ADCY9: variants seen among roughly 807,000 people sequenced by gnomAD.
The protein encoded by ADCY9 is adenylate cyclase 9.
ADCY9 carries 50 observed loss-of-function variants against 101.5 expected under a neutral mutation model. That is an observed-to-expected ratio of 0.49 (90% CI 0.39 to 0.62). The LOEUF (loss-of-function observed/expected upper bound fraction) is 0.62, where lower values mean the gene tolerates loss of function less well. ADCY9 is among the 20% of genes least tolerant of loss of function. The probability of loss-of-function intolerance (pLI) is 0.00; values close to 1 mark genes in which losing one functional copy is unlikely to be tolerated. For missense variants in ADCY9, 1,662 were observed against 1,800.4 expected (o/e 0.92, Z 1.39); for synonymous variants, 905 against 769.3 (o/e 1.18, Z -2.92).
At chr16:4,095,908 C>T (rs949955366) in intron 2 of ADCY9, among the ~76,000 whole-genome samples, 6 of 139,856 alleles carry the variant, frequency 4.3e-5, no homozygotes, top group African/African-American at 1.3e-4. Context: ...ACCCAGGAGG[C>T]GGAGTTTGCA....
chr16:4,034,466 C>A, intron 2 of ADCY9, among the ~76,000 whole-genome samples: 1 of 152,074 alleles, frequency 6.6e-6, no homozygotes, highest in East Asian at 1.9e-4. Flanking sequence ...CTGGAGTGCA[C>A]TGGTACGATT....
intron 2 of ADCY9, among the ~76,000 whole-genome samples, chr16:4,078,630 C>T (rs2532015): frequency 0.34 from 50,398 of 149,914 alleles, 9,041 homozygotes; most frequent in East Asian, 0.52. Context: ...TTTACATAGT[C>T]CTCAGGTGGG....
intron 2 of ADCY9, among the ~76,000 whole-genome samples, chr16:4,105,715 G>A (rs1006680870): frequency 1.3e-4 from 20 of 150,620 alleles, no homozygotes; most frequent in Admixed American, 6.6e-5. Flanking sequence ...GGATGTGGTG[G>A]CATGCGCCTG....
chr16:3,967,331 C>CTTTTCT (rs927574808), intron 10 of ADCY9, among the ~76,000 whole-genome samples: 4 of 149,036 alleles, frequency 2.7e-5, no homozygotes, highest in Admixed American at 1.4e-4. Context: ...AATCGTTTTT[C>CTTTTCT]TTTTCTTTTT....
In ADCY9 at chr16:3,963,413, G is replaced by A; in HGVS notation, c.*2362C>T. 2.5e-6 allele frequency: 1 copy of A among 398,584 alleles called. No homozygotes were observed. The allele number at this position is 398,584 out of a possible 1,614,324, so 24.7% of individuals were successfully genotyped here. On this transcript the variant is annotated 3_prime_UTR_variant, in exon 11 of 11. Coordinates refer to ENST00000294016, the MANE Select transcript of ADCY9 (RefSeq NM_001116.4). ...ATTCTGTGGTTCTGCACTGAGGTATGCATCGGAGCAGGGGACGGGGAGGAC... is the reference window on the plus strand; with the variant it reads ...ATTCTGTGGTTCTGCACTGAGGTATACATCGGAGCAGGGGACGGGGAGGAC...
At chr16:4,079,024 A>C (rs1261945131) in intron 2 of ADCY9, among the ~76,000 whole-genome samples, 1 of 152,210 alleles carries the variant, frequency 6.6e-6, no homozygotes, top group Non-Finnish European at 1.5e-5. Context: ...GATGCCAATG[A>C]TGATGTTTCA....
chr16:4,034,073 G>A (rs887052139), intron 2 of ADCY9, among the ~76,000 whole-genome samples: 3 of 152,144 alleles, frequency 2.0e-5, no homozygotes, highest in Admixed American at 2.0e-4. Context: ...AGGCCTGATG[G>A]CTGCCGTGCG....
intron 6 of ADCY9, among the ~76,000 whole-genome samples, chr16:3,987,402 G>A (rs747854467): frequency 6.6e-5 from 10 of 152,224 alleles, no homozygotes; most frequent in Admixed American, 3.9e-4. Flanking sequence ...GAAGCGGCCC[G>A]GACGCCTGGT....
At chr16:3,998,134 C>A (rs1435071525) in intron 3 of ADCY9, among the ~76,000 whole-genome samples, 4 of 152,126 alleles carry the variant, frequency 2.6e-5, no homozygotes, top group African/African-American at 9.7e-5. Flanking sequence ...TAAAAACTTT[C>A]AAACAAATGA....
intron 2 of ADCY9, among the ~76,000 whole-genome samples, chr16:4,036,154 C>G (rs1206183620): frequency 6.6e-6 from 1 of 150,494 alleles, no homozygotes; most frequent in Non-Finnish European, 1.5e-5. Flanking sequence ...TCCTAGTAGG[C>G]TGATTTCATC....
intron 2 of ADCY9, among the ~76,000 whole-genome samples, chr16:4,014,480 C>T (rs2056424751): frequency 6.6e-6 from 1 of 151,660 alleles, no homozygotes. Context: ...CAGAGTCTTG[C>T]TCTGTTGCCC....
chr16:4,102,986 C>T (rs1290778039), intron 2 of ADCY9, among the ~76,000 whole-genome samples: 4 of 152,146 alleles, frequency 2.6e-5, no homozygotes, highest in African/African-American at 9.7e-5. Flanking sequence ...CCTCCCAAAG[C>T]GCTGGTATTA....
Position 3,991,982 on chromosome 16 carries a change from C to A in ADCY9, c.2207+164G>T, listed in dbSNP as rs144393317. Among the ~76,000 whole-genome samples the A allele has an allele frequency of 8.1e-3, 1,222 of 149,988 alleles. 17 individuals carry two copies. Among genetic ancestry groups the A allele is most frequent in the African/African-American group, 0.029 (1,177 of 40,740 alleles). ...GCTACTTGGGAGGCTGAGGCAGGAG[C>A]ATCGTTTGAACCTGGGAGATAGAGG... On this transcript the variant is annotated intron_variant, in intron 5 of 10. Coordinates refer to ENST00000294016, the MANE Select transcript of ADCY9 (RefSeq NM_001116.4).
intron 2 of ADCY9, among the ~76,000 whole-genome samples, chr16:4,038,182 G>A (rs1051737235): frequency 6.6e-5 from 10 of 152,068 alleles, no homozygotes; most frequent in Admixed American, 4.6e-4. Context: ...AAGGGAGGCT[G>A]AGGTGGGGGG....
chr16:3,987,419 G>A (rs1473306291), intron 6 of ADCY9, among the ~76,000 whole-genome samples: 2 of 152,244 alleles, frequency 1.3e-5, no homozygotes, highest in Non-Finnish European at 2.9e-5. Flanking sequence ...TGGTTTGGCA[G>A]CCAGACCACT....
intron 2 of ADCY9, among the ~76,000 whole-genome samples, chr16:4,034,116 G>C (rs1188620154): frequency 6.6e-6 from 1 of 152,124 alleles, no homozygotes; most frequent in Non-Finnish European, 1.5e-5. Context: ...CAGAGACCAC[G>C]TGCATGAGCC....
chr16:4,061,289 A>T (rs1012526305), intron 2 of ADCY9, among the ~76,000 whole-genome samples: 1 of 152,196 alleles, frequency 6.6e-6, no homozygotes, highest in Non-Finnish European at 1.5e-5. Flanking sequence ...AGCAGAAAAA[A>T]TTTTTTGAAA....
chr16:4,067,358 C>T (rs191795030), intron 2 of ADCY9, among the ~76,000 whole-genome samples: 1 of 152,172 alleles, frequency 6.6e-6, no homozygotes, highest in African/African-American at 2.4e-5. Context: ...AAAATCCTCC[C>T]TCTTGCGCTA....
chr16:4,066,540 C>G (rs1039698582), intron 2 of ADCY9, among the ~76,000 whole-genome samples: 4 of 152,018 alleles, frequency 2.6e-5, no homozygotes, highest in Non-Finnish European at 4.4e-5. Context: ...ATGCATGTCA[C>G]CACACCCAGC....
Sources: allele counts gnomAD v4.1 joint callset (sites outside exome capture counted in the v4.1 genomes callset), GRCh38; gene constraint gnomAD v4.1.1; transcripts MANE v1.5; gene names NCBI Gene and HGNC (gene_info 2026-07-23, HGNC 2026-07-21).